APC2: variants seen among roughly 807,000 people sequenced by gnomAD.
APC2 encodes APC regulator of Wnt signaling pathway 2, also known as adenomatous polyposis coli protein 2.
APC2 carries 41 observed loss-of-function variants against 72.5 expected under a neutral mutation model. That is an observed-to-expected ratio of 0.57 (90% CI 0.44 to 0.73). The LOEUF (loss-of-function observed/expected upper bound fraction) is 0.73. Among genes scored for constraint, APC2 ranks in the 30% least tolerant of loss-of-function variants. The probability of loss-of-function intolerance (pLI) is 0.00; values close to 1 mark genes in which losing one functional copy is unlikely to be tolerated. For synonymous variants in APC2, 1,898 were observed against 1,612.0 expected (o/e 1.18, Z -4.25); for missense variants, 3,729 against 3,403.4 (o/e 1.10, Z -2.38).
At chr19:1,450,737 G>T (rs763238293) in intron 1 of APC2, among the ~76,000 whole-genome samples, 3 of 152,192 alleles carry the variant, frequency 2.0e-5, no homozygotes, top group Non-Finnish European at 4.4e-5. Context: ...AATGCAGCCC[G>T]CTCAATAAGA....
rs2084068526 is a variant in APC2 at position 1,468,541 on chromosome 19, G to A, written c.5240G>A (p.Ser1747Asn). ...CGACAGGCGGAGGGAGAAATGGGCAGTGCCCGGCGGCCAGAGAAAAGGGGC... is the reference window on the plus strand; with the variant it reads ...CGACAGGCGGAGGGAGAAATGGGCAATGCCCGGCGGCCAGAGAAAAGGGGC... ...KGRQAEGEMGSARRPEKRGAA... is the reference protein window; with the variant it reads ...KGRQAEGEMGNARRPEKRGAA... The change falls in exon 15 of 15, where the codon AGT becomes AAT. Residue 1747 changes from serine (S) to asparagine (N), a missense_variant. Transcript: ENST00000590469. 6.3e-7 allele frequency: 1 copy of A among 1,599,316 alleles called. No individual in the cohort carries two copies. The highest frequency in any genetic ancestry group is 1.1e-5 in the South Asian group (1 of 90,346).
chr19:1,457,950 T>C lies in APC2; in HGVS notation c.1208-15T>C, dbSNP rs1465457002. On this transcript the variant is annotated splice_polypyrimidine_tract_variant and intron_variant, in intron 9 of 14. Coordinates refer to ENST00000590469, the MANE Select transcript of APC2 (RefSeq NM_005883.3). ...CCTGGGAATGGGGGCTCTGATCTGG[T>C]CCCTGTGCCCACAGCCCCGATCCCC... 6.5e-7 allele frequency: 1 copy of C among 1,538,340 alleles called. No homozygotes were observed. The highest frequency in any genetic ancestry group is 2.4e-5 in the East Asian group (1 of 41,048).
At position 1,468,726 on chromosome 19, in the gene APC2, C is replaced by G; in HGVS notation, c.5425C>G (p.Pro1809Ala). 5 of 1,507,044 alleles carry G rather than the reference C, an allele frequency of 3.3e-6. No homozygotes were observed. Among genetic ancestry groups the G allele is most frequent in the South Asian group, 1.2e-5 (1 of 81,524 alleles). The allele number at this position is 1,507,044 out of a possible 1,614,324, so 93.4% of individuals were successfully genotyped here. Residue 1809 changes from proline (P) to alanine (A), a missense_variant, in exon 15 of 15, where the codon CCC becomes GCC. Transcript: ENST00000590469. ...ACCCCGTGCCCAGCCCAAAGGGACC[C>G]CCGGCCCCCGCGCCACACCGCGGAA... Reference protein sequence around the residue: ...PAPRAQPKGTPGPRATPRKVA... With the variant: ...PAPRAQPKGTAGPRATPRKVA...
rs766746981 is a variant in APC2 at position 1,465,938 on chromosome 19, G to T, written c.2637G>T (p.Pro879=). The part of the protein sequence containing the change: ...DDSFSLSSGD[P]GQEAPREGRA... Reference sequence around the variant, plus strand: ...GCTTCAGCCTCAGCTCTGGAGACCCGGGACAGGAGGCGCCACGGGAGGGCC... The same window carrying T: ...GCTTCAGCCTCAGCTCTGGAGACCCTGGACAGGAGGCGCCACGGGAGGGCC... Residue 879 remains proline (P), a synonymous_variant, in exon 15 of 15, where the codon CCG becomes CCT. Transcript: ENST00000590469. 6.3e-7 allele frequency: 1 copy of T among 1,581,998 alleles called. No homozygotes were observed.
In APC2 at chr19:1,453,007, G is replaced by A. The variant is rs144831127; in HGVS notation, c.6G>A (p.Ala2=). M[A]SSVAPYEQLV... is the part of the protein sequence containing the mutation. Reference sequence around the variant, plus strand: ...AGACGCTGCAGGAGCTGAAGATGGCGAGCTCCGTGGCGCCCTACGAGCAGC... The same window carrying A: ...AGACGCTGCAGGAGCTGAAGATGGCAAGCTCCGTGGCGCCCTACGAGCAGC... The change falls in exon 2 of 15, where the codon GCG becomes GCA. Residue 2 remains alanine (A), a synonymous_variant. Transcript: ENST00000590469. 30 of 1,611,146 alleles carry A rather than the reference G, an allele frequency of 1.9e-5. No homozygotes were observed. The highest frequency in any genetic ancestry group is 4.4e-5 in the South Asian group (4 of 90,946).
At chr19:1,455,716 G>T (rs1160301951) in intron 6 of APC2, among the ~76,000 whole-genome samples, 1 of 152,058 alleles carries the variant, frequency 6.6e-6, no homozygotes, top group Non-Finnish European at 1.5e-5. Flanking sequence ...AAGGGCGGTG[G>T]GGTGCGACAG....
At chr19:1,462,843 T>C (rs994647593) in intron 14 of APC2, among the ~76,000 whole-genome samples, 22 of 146,994 alleles carry the variant, frequency 1.5e-4, no homozygotes, top group East Asian at 8.2e-4. Flanking sequence ...TGGTGGTGGG[T>C]GCCTGTAGTC....
In APC2 at chr19:1,468,971, C is replaced by A; in HGVS notation, c.5670C>A (p.Arg1890=). Residue 1890 remains arginine (R), a synonymous_variant, in exon 15 of 15, where the codon CGC becomes CGA. Transcript: ENST00000590469. ...CCTCCCAGCCCCTGCCCAGAAAGCG[C>A]CCCCCGGTCACCCAGGCTGCTGGGG... ...SPASQPLPRK[R]PPVTQAAGAL... 1 of 1,557,918 alleles carries A rather than the reference C, an allele frequency of 6.4e-7. No individual in the cohort carries two copies. The highest frequency in any genetic ancestry group is 8.6e-7 in the Non-Finnish European group (1 of 1,158,156).
intron 14 of APC2, 100 bp from the exon 15 acceptor site, chr19:1,465,055 C>A: frequency 7.4e-7 from 1 of 1,344,850 alleles, no homozygotes; most frequent in Non-Finnish European, 1.0e-6. Flanking sequence ...CAAACCTAAC[C>A]AGATGCGTTT....
At chr19:1,458,966 G>A (rs113491827) in intron 10 of APC2, among the ~76,000 whole-genome samples, 27 of 152,126 alleles carry the variant, frequency 1.8e-4, no homozygotes, top group Non-Finnish European at 2.4e-4. Flanking sequence ...TTACAGGCGC[G>A]AGCCACCACG....
chr19:1,454,651 C>G (rs1028602973), intron 4 of APC2, among the ~76,000 whole-genome samples: 4 of 151,128 alleles, frequency 2.6e-5, no homozygotes, highest in African/African-American at 4.9e-5. Flanking sequence ...GCAAGCTCCG[C>G]CTCCCGGGTT....
Position 1,469,260 on chromosome 19 carries a change from G to T in APC2, c.5959G>T (p.Asp1987Tyr). ...SALSSGSESS[D>Y]RSGFRRQLTF... ...CCTCTCCAGCGGCAGCGAGTCCTCC[G>T]ACCGCTCGGGCTTCCGGCGACAGCT... Residue 1987 changes from aspartate to tyrosine, a missense_variant, in exon 15 of 15, where the codon GAC becomes TAC. Asp to Tyr is a radical substitution (Grantham distance 160). Transcript: ENST00000590469. 1 of 1,426,840 alleles carries T rather than the reference G, an allele frequency of 7.0e-7. No individual in the cohort carries two copies. Among genetic ancestry groups the T allele is most frequent in the South Asian group, 1.3e-5 (1 of 77,322 alleles). The allele number at this position is 1,426,840 out of a possible 1,614,324, so 88.4% of individuals were successfully genotyped here. A position where few individuals can be genotyped will look rare whatever the true frequency, so the allele number is the denominator to read the frequency against.
Position 1,455,442 on chromosome 19 carries a change from TC to T in APC2, c.583del (p.Arg195AlafsTer3). ...CAGCTTGAGTTCGAGGCCCAGCACA[TC>T]CGCTCGCTGATGGAGGAGCGCTTCG... The part of the protein sequence containing the change: ...RQQLEFEAQH[I>X]RSLMEERFGT... On this transcript the variant is annotated frameshift_variant, in exon 6 of 15. Transcript: ENST00000590469. LOFTEE classifies it high-confidence loss of function. The T allele has an allele frequency of 6.2e-7, 1 of 1,607,426 alleles. No individual in the cohort carries two copies. The highest frequency in any genetic ancestry group is 8.5e-7 in the Non-Finnish European group (1 of 1,177,456).
At chr19:1,447,670 G>GA (rs1178226661), upstream of APC2, among the ~76,000 whole-genome samples, 1 of 151,698 alleles carries the variant, frequency 6.6e-6, no homozygotes, top group Non-Finnish European at 1.5e-5. Context: ...TGTGGGGGGG[G>GA]ATTGTTCAGG....
At position 1,456,923 on chromosome 19, in the gene APC2, T is replaced by A; in HGVS notation, c.887T>A (p.Leu296Gln). The part of the protein sequence containing the change: ...RDQEDTARTL[L>Q]AMSSSPESCV... The stretch of plus-strand genomic sequence containing the variant: ...CAGGAGGATACAGCGCGCACGCTGC[T>A]GGCCATGTCCAGCTCGCCCGAGAGC... Residue 296 changes from leucine (L) to glutamine (Q), a missense_variant, in exon 9 of 15, where the codon CTG becomes CAG. By Grantham distance (113) the Leu-to-Gln change is moderately radical (BLOSUM62 -2). Coordinates refer to ENST00000590469, the MANE Select transcript of APC2 (RefSeq NM_005883.3). 6.4e-7 allele frequency: 1 copy of A among 1,570,780 alleles called. No homozygotes were observed. The highest frequency in any genetic ancestry group is 8.6e-7 in the Non-Finnish European group (1 of 1,166,446).
At chr19:1,449,009 G>C (rs994909039), upstream of APC2, among the ~76,000 whole-genome samples, 1 of 152,180 alleles carries the variant, frequency 6.6e-6, no homozygotes, top group Non-Finnish European at 1.5e-5. Flanking sequence ...GTGCTGGCCC[G>C]GGACAAGGCC....
In APC2 at chr19:1,467,259, C is replaced by A. The variant is rs1296245745; in HGVS notation, c.3958C>A (p.Arg1320=). The A allele has an allele frequency of 1.5e-6, 2 of 1,306,792 alleles. No homozygotes were observed. The highest frequency in any genetic ancestry group is 3.1e-5 in the East Asian group (1 of 32,180). The allele number at this position is 1,306,792 out of a possible 1,614,324, so 80.9% of individuals were successfully genotyped here. A position where few individuals can be genotyped will look rare whatever the true frequency, so the allele number is the denominator to read the frequency against. Residue 1320 remains arginine (R), a synonymous_variant, in exon 15 of 15, where the codon CGG becomes AGG. Transcript: ENST00000590469. ...CGGCCTCCACTTTGCAGGGCACCGGCGGCGGGAGGAGGGGCCGGCGCCCAC... is the reference window on the plus strand; with the variant it reads ...CGGCCTCCACTTTGCAGGGCACCGGAGGCGGGAGGAGGGGCCGGCGCCCAC... ...GAGLHFAGHR[R]REEGPAPTGS...
rs1271854953 is a variant in APC2, at chr19:1,465,537, G to A, written c.2236G>A (p.Gly746Ser). The change falls in exon 15 of 15, where the codon GGC becomes AGC. Residue 746 changes from glycine (G) to serine (S), a missense_variant. Gly to Ser is a moderately conservative substitution (Grantham distance 56, BLOSUM62 0). Transcript: ENST00000590469. ...GGCGCTGGAGCACCTGGAGAAGCAG[G>A]GCCCGCCGGCAGCCGAGGCCGCCAC... is the stretch of plus-strand genomic sequence containing the variant. The part of the protein sequence containing the change: ...AQALEHLEKQ[G>S]PPAAEAATKK... The A allele has an allele frequency of 1.3e-6, 2 of 1,530,708 alleles. No homozygotes were observed. Among genetic ancestry groups the A allele is most frequent in the African/African-American group, 1.4e-5 (1 of 71,840 alleles). 94.8% of individuals were successfully genotyped at this position (1,530,708 alleles called of 1,614,324 possible).
In APC2 at chr19:1,458,077, C is replaced by T. The variant is rs767995316; in HGVS notation, c.1303+17C>T. The T allele has an allele frequency of 2.7e-5, 42 of 1,550,022 alleles. No homozygotes were observed. The South Asian group carries it at 3.6e-4, about 13-fold the overall frequency. ...ACGAGCTAGGTGAGTGTCCCAGGTCCTCTGGGAAGCCATCCTCCAGCCCCC... is the reference window on the plus strand; with the variant it reads ...ACGAGCTAGGTGAGTGTCCCAGGTCTTCTGGGAAGCCATCCTCCAGCCCCC... On this transcript the variant is annotated intron_variant, in intron 10 of 14. Transcript: ENST00000590469.
Sources: allele counts gnomAD v4.1 joint callset (sites outside exome capture counted in the v4.1 genomes callset), GRCh38; gene constraint gnomAD v4.1.1; transcripts MANE v1.5; gene names NCBI Gene and HGNC (gene_info 2026-07-23, HGNC 2026-07-21).